The following TENM3 variants were observed in gnomAD, a reference collection of about 807,000 sequenced individuals.
The protein encoded by TENM3 is teneurin transmembrane protein 3.
In TENM3, 63 loss-of-function variants were observed where a neutral mutation model predicts 255.1. The observed-to-expected ratio is 0.25, with a 90% CI of 0.20 to 0.30. The LOEUF (loss-of-function observed/expected upper bound fraction) is 0.30, where lower values mean the gene tolerates loss of function less well. Ranked by LOEUF, TENM3 falls within the 10% of genes least tolerant of loss-of-function variation. The pLI, the probability that TENM3 is intolerant of heterozygous loss-of-function variation, is 1.00. For missense variants in TENM3, 2,929 were observed against 3,461.1 expected (o/e 0.85, Z 3.86); for synonymous variants, 1,306 against 1,322.3 (o/e 0.99, Z 0.27).
intron 1 of TENM3, among the ~76,000 whole-genome samples, chr4:182,225,035 G>A (rs954522446): frequency 2.6e-5 from 4 of 152,060 alleles, no homozygotes; most frequent in African/African-American, 4.8e-5. Flanking sequence ...CCCTGGCTCA[G>A]TCAGACATCT....
At chr4:182,593,201 G>A (rs1290359002) in intron 3 of TENM3, among the ~76,000 whole-genome samples, 2 of 152,088 alleles carry the variant, frequency 1.3e-5, no homozygotes, top group African/African-American at 4.8e-5. Flanking sequence ...AAGGCCAGAG[G>A]GTTTTCATTT....
the TENM3 span, among the ~76,000 whole-genome samples, chr4:181,972,474 A>G: frequency 6.6e-6 from 1 of 150,964 alleles, no homozygotes; most frequent in Admixed American, 6.6e-5. Flanking sequence ...TCATTCCTCC[A>G]TTATTAGAAG....
rs1157725899 is a variant in TENM3, at chr4:182,650,889, AATATATAT to A, written c.989-2854_989-2847del. Among the ~76,000 whole-genome samples the A allele has an allele frequency of 6.4e-4, 19 of 29,770 alleles. No individual in the cohort carries two copies. In the South Asian group the frequency reaches 7.1e-3, roughly 11 times the overall value. The allele number at this position is 29,770 out of a possible 152,430, so 19.5% of individuals were successfully genotyped here. On this transcript the variant is annotated intron_variant, in intron 5 of 27. Transcript: ENST00000511685. Reference sequence around the variant, plus strand: ...ATTGAGATTTTCTGTAATAAAAAAAAATATATATATATATATATATATATATATATATA... The same window carrying A: ...ATTGAGATTTTCTGTAATAAAAAAAAATATATATATATATATATATATATA...
chr4:181,949,939 C>G, the TENM3 span, among the ~76,000 whole-genome samples: 1 of 152,148 alleles, frequency 6.6e-6, no homozygotes, highest in African/African-American at 2.4e-5. Flanking sequence ...CTCGGAGAGC[C>G]CATACCTGAC....
intron 3 of TENM3, among the ~76,000 whole-genome samples, chr4:182,597,069 C>A (rs1747314320): frequency 6.6e-6 from 1 of 152,142 alleles, no homozygotes; most frequent in South Asian, 2.1e-4. Context: ...GAACCTTGGT[C>A]ACAAAGATTT....
the TENM3 span, among the ~76,000 whole-genome samples, chr4:181,681,695 T>A: frequency 1.3e-5 from 2 of 152,108 alleles, no homozygotes; most frequent in Non-Finnish European, 1.5e-5. Flanking sequence ...ATGCTTTCCA[T>A]CTCTATGAAA....
At chr4:182,713,142 C>T (rs899776578) in intron 12 of TENM3, among the ~76,000 whole-genome samples, 3 of 152,130 alleles carry the variant, frequency 2.0e-5, no homozygotes, top group Non-Finnish European at 4.4e-5. Context: ...CAAATTTTCC[C>T]TCCTTGCCCA....
the TENM3 span, among the ~76,000 whole-genome samples, chr4:181,910,008 T>C: frequency 6.6e-6 from 1 of 152,218 alleles, no homozygotes; most frequent in Non-Finnish European, 1.5e-5. Context: ...AAAATCTCAT[T>C]GTTATACTAT....
intron 1 of TENM3, among the ~76,000 whole-genome samples, chr4:182,291,844 AG>A (rs1761151417): frequency 6.6e-6 from 1 of 152,096 alleles, no homozygotes; most frequent in East Asian, 1.9e-4. Flanking sequence ...TATTGTCTCC[AG>A]GCGCTCTAGG....
the TENM3 span, among the ~76,000 whole-genome samples, chr4:181,889,276 G>T: frequency 6.6e-6 from 1 of 152,048 alleles, no homozygotes; most frequent in Admixed American, 6.6e-5. Flanking sequence ...TTGAAAGTGT[G>T]TGGCACCCCC....
At chr4:182,047,352 G>A in the TENM3 span, among the ~76,000 whole-genome samples, 5 of 151,856 alleles carry the variant, frequency 3.3e-5, no homozygotes, top group African/African-American at 9.6e-5. Context: ...TTACGAGGTC[G>A]GGAGGTCAAG....
At chr4:181,617,358 T>A in the TENM3 span, among the ~76,000 whole-genome samples, 2 of 152,364 alleles carry the variant, frequency 1.3e-5, no homozygotes, top group East Asian at 3.9e-4. Context: ...GAAGTAACTA[T>A]ACGGGGTGAT....
chr4:182,632,226 A>G (rs6841520), intron 5 of TENM3, among the ~76,000 whole-genome samples: 22,543 of 152,134 alleles, frequency 0.15, 2,543 homozygotes, highest in East Asian at 0.47. Flanking sequence ...CTAGTTCCCC[A>G]AAATACAGTG....
chr4:182,090,347 T>G, the TENM3 span, among the ~76,000 whole-genome samples: 147 of 152,320 alleles, frequency 9.7e-4, no homozygotes, highest in African/African-American at 3.4e-3. Context: ...CAGCCTGGTT[T>G]TTATCAGACC....
the TENM3 span, among the ~76,000 whole-genome samples, chr4:182,104,839 G>C: frequency 6.6e-6 from 1 of 151,970 alleles, no homozygotes; most frequent in African/African-American, 2.4e-5. Context: ...TGTTGTTGTA[G>C]GTCAGGTTAT....
At chr4:182,407,430 A>G (rs1437003341) in intron 3 of TENM3, among the ~76,000 whole-genome samples, 1 of 152,218 alleles carries the variant, frequency 6.6e-6, no homozygotes, top group Admixed American at 6.5e-5. Context: ...GTGACCCTTG[A>G]AACCTCTATA....
In TENM3 at chr4:182,680,321, A is replaced by G. The variant is rs1040552549; in HGVS notation, c.1611A>G (p.Pro537=). ...TTTCTGGAACTTGCCATTGTTTTCC[A>G]GGATTTCTGGGTCCGGATTGTTCAA... The part of the protein sequence containing the change: ...ECVSGTCHCF[P]GFLGPDCSRA... Residue 537 remains proline (P), a synonymous_variant, in exon 9 of 28, where the codon CCA becomes CCG. Coordinates refer to ENST00000511685, the MANE Select transcript of TENM3 (RefSeq NM_001080477.4). The G allele has an allele frequency of 6.2e-7, 1 of 1,612,488 alleles. No individual in the cohort carries two copies. Among genetic ancestry groups the G allele is most frequent in the Non-Finnish European group, 8.5e-7 (1 of 1,178,916 alleles).
At chr4:181,595,444 A>AAAAAAAAAAACAAAAAAAAAAC in the TENM3 span, among the ~76,000 whole-genome samples, 2 of 129,528 alleles carry the variant, frequency 1.5e-5, no homozygotes, top group African/African-American at 5.7e-5. Flanking sequence ...AAAAAAAAAA[A>AAAAAAAAAAACAAAAAAAAAAC]AAAAAAAAAA....
chr4:182,461,313 G>C (rs1303567900), intron 3 of TENM3, among the ~76,000 whole-genome samples: 6 of 152,164 alleles, frequency 3.9e-5, no homozygotes, highest in Admixed American at 3.9e-4. Context: ...ACAGGAGAAG[G>C]CTTTTCAGGT....
Sources: allele counts gnomAD v4.1 joint callset (sites outside exome capture counted in the v4.1 genomes callset), GRCh38; gene constraint gnomAD v4.1.1; transcripts MANE v1.5; gene names NCBI Gene and HGNC (gene_info 2026-07-23, HGNC 2026-07-21).